The following MAP3K5 variants were observed in gnomAD, a reference collection of about 807,000 sequenced individuals.
The protein encoded by MAP3K5 is ASK-1.
Under a neutral mutation model 158.7 loss-of-function variants are expected in MAP3K5, and 56 were observed. That is an observed-to-expected ratio of 0.35 (90% confidence interval 0.28 to 0.44). The LOEUF is 0.44. MAP3K5 is among the 20% of genes least tolerant of loss of function. MAP3K5 has a pLI of 1.00. For synonymous variants in MAP3K5, 579 were observed against 601.7 expected, an observed-to-expected ratio of 0.96 and a Z score of 0.55; for missense variants, 1,294 against 1,674.8, an observed-to-expected ratio of 0.77 and a Z score of 3.97.
chr6:136,587,521 G>A (rs1026890520), intron 23 of MAP3K5, among the ~76,000 whole-genome samples: 1 of 152,178 alleles, frequency 6.6e-6, no homozygotes, highest in Non-Finnish European at 1.5e-5. Context: ...GCCTTTAAGT[G>A]ATGGAACCAG....
intron 1 of MAP3K5, among the ~76,000 whole-genome samples, chr6:136,758,283 T>A (rs977568759): frequency 6.6e-6 from 1 of 152,372 alleles, no homozygotes; most frequent in East Asian, 1.9e-4. Flanking sequence ...AAAAATTACA[T>A]AACAAAGCCT....
chr6:136,621,173 T>C (rs1212262900), intron 15 of MAP3K5, among the ~76,000 whole-genome samples: 1 of 152,156 alleles, frequency 6.6e-6, no homozygotes, highest in Non-Finnish European at 1.5e-5. Context: ...TTTCTACTGA[T>C]ATATTCCGAA....
At chr6:136,718,404 G>A (rs1415569465) in intron 2 of MAP3K5, among the ~76,000 whole-genome samples, 1 of 152,078 alleles carries the variant, frequency 6.6e-6, no homozygotes, top group African/African-American at 2.4e-5. Context: ...GTTTCACCAC[G>A]TTGGCCAGGC....
At chr6:136,706,819 C>T (rs1781095794) in intron 2 of MAP3K5, among the ~76,000 whole-genome samples, 1 of 152,168 alleles carries the variant, frequency 6.6e-6, no homozygotes, top group Non-Finnish European at 1.5e-5. Flanking sequence ...AAGAATTGCA[C>T]TGGGTAGTTC....
intron 10 of MAP3K5, among the ~76,000 whole-genome samples, chr6:136,655,766 G>A (rs1172192226): frequency 1.3e-5 from 2 of 151,934 alleles, no homozygotes; most frequent in Non-Finnish European, 2.9e-5. Flanking sequence ...TATGTCTGAA[G>A]TCCACTAGAG....
At chr6:136,786,334 G>A (rs1030420819) in intron 1 of MAP3K5, among the ~76,000 whole-genome samples, 4 of 143,112 alleles carry the variant, frequency 2.8e-5, no homozygotes, top group Admixed American at 7.4e-5. Context: ...AGCCGAGATC[G>A]AGCCACTGCA....
chr6:136,594,435 G>C (rs2282857), intron 21 of MAP3K5, among the ~76,000 whole-genome samples: 14 of 152,030 alleles, frequency 9.2e-5, no homozygotes, highest in African/African-American at 3.1e-4. Context: ...TGGGGGGAAC[G>C]GACTTTAGAA....
At chr6:136,786,191 C>A (rs907439591) in intron 1 of MAP3K5, among the ~76,000 whole-genome samples, 2 of 151,956 alleles carry the variant, frequency 1.3e-5, no homozygotes, top group African/African-American at 4.8e-5. Context: ...GTCTGGCCAA[C>A]AAGATGAAAC....
intron 2 of MAP3K5, among the ~76,000 whole-genome samples, chr6:136,711,802 T>C (rs990496917): frequency 6.6e-6 from 1 of 152,194 alleles, no homozygotes; most frequent in Non-Finnish European, 1.5e-5. Flanking sequence ...TGAAATTACT[T>C]GCAGTACTTT....
chr6:136,716,230 T>A (rs1015945305), intron 2 of MAP3K5, among the ~76,000 whole-genome samples: 5 of 151,996 alleles, frequency 3.3e-5, no homozygotes, highest in African/African-American at 1.2e-4. Context: ...GATATGCTCA[T>A]TTGATATTAT....
intron 8 of MAP3K5, among the ~76,000 whole-genome samples, chr6:136,663,208 T>C (rs989430462): frequency 6.6e-6 from 1 of 152,192 alleles, no homozygotes; most frequent in Non-Finnish European, 1.5e-5. Context: ...ATACACCTTA[T>C]AAGTGGTGGA....
At position 136,609,311 on chromosome 6, in the gene MAP3K5, A is replaced by G. The variant is rs1470820349; in HGVS notation, c.2521+1971T>C. ...TAGTTTTTTCAAAAAAATATATTCAAAATGTGTTTAATTCTGTACCCTAAA... is the reference window on the plus strand; with the variant it reads ...TAGTTTTTTCAAAAAAATATATTCAGAATGTGTTTAATTCTGTACCCTAAA... On this transcript the variant is annotated intron_variant, in intron 18 of 29. Transcript: ENST00000359015. The surrounding 1 kb of genome is among the most constrained non-coding windows in gnomAD (Gnocchi z 4.4). Among the ~76,000 whole-genome samples, 2 of 152,204 alleles carry G rather than the reference A, an allele frequency of 1.3e-5. No individual in the cohort carries two copies. The highest frequency in any genetic ancestry group is 2.9e-5 in the Non-Finnish European group (2 of 68,038).
chr6:136,692,049 A>G (rs1780410426), intron 7 of MAP3K5, among the ~76,000 whole-genome samples: 1 of 151,642 alleles, frequency 6.6e-6, no homozygotes. Context: ...TTAGTAGTTG[A>G]GAGTTTTTCT....
At position 136,609,782 on chromosome 6, in the gene MAP3K5, G is replaced by A. The variant is rs990204326; in HGVS notation, c.2521+1500C>T. Among the ~76,000 whole-genome samples, 29 of 151,424 alleles carry A rather than the reference G, an allele frequency of 1.9e-4. No homozygotes were observed. The highest frequency in any genetic ancestry group is 5.8e-4 in the African/African-American group (24 of 41,126). On this transcript the variant is annotated intron_variant, in intron 18 of 29. Coordinates refer to ENST00000359015, the MANE Select transcript of MAP3K5 (RefSeq NM_005923.4). This position sits in a 1 kb window ranked among gnomAD's most constrained non-coding sequence, Gnocchi z 4.4. ...TGTACTTCAGCCTGGGTTACAGAGC[G>A]AGAACCCATCTCAAAAGAAAAAACA...
At chr6:136,786,451 G>C (rs1371732530) in intron 1 of MAP3K5, among the ~76,000 whole-genome samples, 1 of 151,472 alleles carries the variant, frequency 6.6e-6, no homozygotes, top group African/African-American at 2.4e-5. Context: ...AGGGCAACAC[G>C]ATAGTATTGA....
At chr6:136,566,029 G>A (rs1774091353) in intron 26 of MAP3K5, among the ~76,000 whole-genome samples, 1 of 152,178 alleles carries the variant, frequency 6.6e-6, no homozygotes, top group South Asian at 2.1e-4. Flanking sequence ...TGAGAAGCAG[G>A]CCCTCAGCTA....
intron 7 of MAP3K5, among the ~76,000 whole-genome samples, chr6:136,684,322 ACT>A (rs1207621898): frequency 6.6e-6 from 1 of 152,006 alleles, no homozygotes; most frequent in African/African-American, 2.4e-5. Flanking sequence ...CGTTGTGTGA[ACT>A]CTAAGGGTTA....
chr6:136,679,983 A>G lies in MAP3K5; in HGVS notation c.1254-10588T>C, dbSNP rs374943934. Among the ~76,000 whole-genome samples the G allele has an allele frequency of 1.4e-4, 21 of 152,312 alleles. No homozygotes were observed. In the East Asian group the frequency reaches 1.9e-3, roughly 14 times the overall value. On this transcript the variant is annotated intron_variant, in intron 7 of 29. Transcript: ENST00000359015. ...TTATTATTCAACCTTACAAAGGAAG[A>G]AAATTCAGACATATGCTACAATGCA...
chr6:136,587,824 A>C (rs1775205692), intron 23 of MAP3K5, among the ~76,000 whole-genome samples: 1 of 152,120 alleles, frequency 6.6e-6, no homozygotes, highest in Non-Finnish European at 1.5e-5. Flanking sequence ...GTTTTCTTTC[A>C]TTTCTCCTTT....
Sources: gnomAD v4.1 joint callset for allele counts (sites outside exome capture counted in the v4.1 genomes callset) on GRCh38, gnomAD v4.1.1 for gene constraint, Gnocchi (gnomAD v3.1) non-coding constraint, MANE v1.5 for transcripts, NCBI Gene and HGNC (gene_info 2026-07-23, HGNC 2026-07-21) for gene names.